FRMD3: variants seen among roughly 807,000 people sequenced by gnomAD.
FRMD3 encodes FERM domain containing 3.
In FRMD3, 33 loss-of-function variants were observed where a neutral mutation model predicts 70.2. The observed-to-expected ratio is 0.47, with a 90% CI of 0.36 to 0.63. FRMD3 has a LOEUF of 0.63. FRMD3 is among the 20% of genes least tolerant of loss of function. The pLI is 0.00. For synonymous variants in FRMD3, 279 were observed against 255.9 expected, an observed-to-expected ratio of 1.09 and a Z score of -0.86; for missense variants, 632 against 711.4, an observed-to-expected ratio of 0.89 and a Z score of 1.27.
chr9:83,317,193 TACACACAC>T lies in FRMD3; in HGVS notation c.597-3454_597-3447del, dbSNP rs71823603. Among the ~76,000 whole-genome samples the T allele has an allele frequency of 9.9e-3, 1,431 of 145,118 alleles. 24 individuals carry two copies. Among genetic ancestry groups the T allele is most frequent in the African/African-American group, 0.034 (1,315 of 38,934 alleles). On this transcript the variant is annotated intron_variant, in intron 6 of 13. Transcript: ENST00000304195. ...ATATTATTGAGCCGTCTCTCATGCA[TACACACAC>T]ACACACACACACACACACACACACA...
intron 12 of FRMD3, among the ~76,000 whole-genome samples, chr9:83,294,653 CTG>C (rs1834586905): frequency 1.3e-5 from 2 of 152,268 alleles, no homozygotes; most frequent in South Asian, 4.1e-4. Flanking sequence ...GATGAGAAAA[CTG>C]AGACTCAGGG....
intron 13 of FRMD3, among the ~76,000 whole-genome samples, chr9:83,283,498 T>A (rs973388913): frequency 6.9e-6 from 1 of 145,180 alleles, no homozygotes; most frequent in South Asian, 2.2e-4. Context: ...ACCACTACAC[T>A]CCAGCCTGGG....
At chr9:83,448,113 A>G (rs1053778020) in intron 1 of FRMD3, among the ~76,000 whole-genome samples, 2 of 152,178 alleles carry the variant, frequency 1.3e-5, no homozygotes, top group African/African-American at 2.4e-5. Context: ...TTGGTGCTTC[A>G]GTGTATGAGA....
intron 5 of FRMD3, among the ~76,000 whole-genome samples, chr9:83,341,387 G>C (rs991151611): frequency 6.6e-6 from 1 of 152,130 alleles, no homozygotes; most frequent in African/African-American, 2.4e-5. Context: ...ACAGAAAACA[G>C]GATGGCGAGC....
At chr9:83,440,636 C>T (rs1318297278) in intron 1 of FRMD3, among the ~76,000 whole-genome samples, 1 of 152,150 alleles carries the variant, frequency 6.6e-6, no homozygotes, top group African/African-American at 2.4e-5. Context: ...AAGGGAACAC[C>T]TACGCTATCA....
chr9:83,547,976 A>G, the FRMD3 span, among the ~76,000 whole-genome samples: 1 of 152,234 alleles, frequency 6.6e-6, no homozygotes. Flanking sequence ...AATACTCAAC[A>G]TCATATCTCA....
the FRMD3 span, among the ~76,000 whole-genome samples, chr9:83,566,372 G>A: frequency 6.6e-6 from 1 of 152,142 alleles, no homozygotes; most frequent in African/African-American, 2.4e-5. Context: ...TAAAATTCAA[G>A]TTGAGATTTG....
chr9:83,555,139 G>C, the FRMD3 span, among the ~76,000 whole-genome samples: 4 of 152,208 alleles, frequency 2.6e-5, no homozygotes, highest in Non-Finnish European at 5.9e-5. Flanking sequence ...GCCACGTTTT[G>C]GTAGAGTACC....
rs1413938362 is a variant in FRMD3, at chr9:83,493,511, T to C, written c.147+44574A>G. Among the ~76,000 whole-genome samples, 4 of 152,214 alleles carry C rather than the reference T, an allele frequency of 2.6e-5. No homozygotes were observed. The East Asian group carries it at 5.8e-4, about 22-fold the overall frequency. On this transcript the variant is annotated intron_variant, in intron 1 of 13. Coordinates refer to ENST00000304195, the MANE Select transcript of FRMD3 (RefSeq NM_174938.6). Reference sequence around the variant, plus strand: ...CACTGGCTCCACTGAAACCTTACAGTTGATACCTATGAAGAGGGCCCCAGT... The same window carrying C: ...CACTGGCTCCACTGAAACCTTACAGCTGATACCTATGAAGAGGGCCCCAGT...
chr9:83,421,186 C>T (rs1318387235), intron 1 of FRMD3, among the ~76,000 whole-genome samples: 4 of 151,478 alleles, frequency 2.6e-5, no homozygotes, highest in Non-Finnish European at 2.9e-5. Flanking sequence ...ATGATCCGCC[C>T]GCCTCTGCCT....
chr9:83,351,658 G>A (rs144608046), intron 3 of FRMD3, among the ~76,000 whole-genome samples: 1 of 150,978 alleles, frequency 6.6e-6, no homozygotes, highest in East Asian at 1.9e-4. Context: ...GATAGATAGA[G>A]ATAGGTAGAT....
At chr9:83,324,783 A>C (rs1407151104) in intron 6 of FRMD3, among the ~76,000 whole-genome samples, 1 of 152,204 alleles carries the variant, frequency 6.6e-6, no homozygotes, top group East Asian at 1.9e-4. Context: ...ACATTCAAAG[A>C]GAAAAATAAC....
chr9:83,422,245 G>A (rs556600624), intron 1 of FRMD3, among the ~76,000 whole-genome samples: 22 of 151,974 alleles, frequency 1.4e-4, no homozygotes, highest in Non-Finnish European at 2.9e-4. Context: ...CAAAAAAATC[G>A]CAGGGGCCCA....
chr9:83,369,636 C>A (rs1452320082), intron 3 of FRMD3, among the ~76,000 whole-genome samples: 1 of 151,066 alleles, frequency 6.6e-6, no homozygotes, highest in Non-Finnish European at 1.5e-5. Context: ...TACACACATA[C>A]AATTAACTCA....
At chr9:83,363,616 C>G (rs192231883) in intron 3 of FRMD3, among the ~76,000 whole-genome samples, 1 of 143,678 alleles carries the variant, frequency 7.0e-6, no homozygotes, top group South Asian at 2.2e-4. Context: ...TGCAGTGGCG[C>G]GATCTTGGCT....
intron 1 of FRMD3, among the ~76,000 whole-genome samples, chr9:83,396,220 T>C (rs748541181): frequency 6.6e-6 from 1 of 152,148 alleles, no homozygotes; most frequent in Non-Finnish European, 1.5e-5. Flanking sequence ...ATATGAGGAT[T>C]TGGAAGCAAT....
intron 2 of FRMD3, among the ~76,000 whole-genome samples, chr9:83,382,192 C>T (rs996356860): frequency 3.9e-5 from 6 of 151,908 alleles, no homozygotes; most frequent in African/African-American, 1.5e-4. Flanking sequence ...GCTGTCATGC[C>T]ACATAAATTT....
chr9:83,530,952 A>G (rs1204804696), intron 1 of FRMD3, among the ~76,000 whole-genome samples: 1 of 152,172 alleles, frequency 6.6e-6, no homozygotes, highest in Non-Finnish European at 1.5e-5. Flanking sequence ...CCTTAAGCTA[A>G]TCAGCACATT....
chr9:83,384,976 G>T lies in FRMD3; in HGVS notation c.252+4628C>A, dbSNP rs561872508. Reference sequence around the variant, plus strand: ...GGGAGCTGGGGCACTCAGCTCTAAGGCATGGGGTGAGGGGAGACTTCCTTA... The same window carrying T: ...GGGAGCTGGGGCACTCAGCTCTAAGTCATGGGGTGAGGGGAGACTTCCTTA... On this transcript the variant is annotated intron_variant, in intron 2 of 13. Transcript: ENST00000304195. 3.3e-5 allele frequency among the ~76,000 whole-genome samples: 5 copies of T among 152,208 alleles called. No homozygotes were observed. In the East Asian group the frequency reaches 9.7e-4, roughly 29 times the overall value.
Sources: gnomAD v4.1 joint callset for allele counts (sites outside exome capture counted in the v4.1 genomes callset) on GRCh38, gnomAD v4.1.1 for gene constraint, MANE v1.5 for transcripts, NCBI Gene and HGNC (gene_info 2026-07-23, HGNC 2026-07-21) for gene names.